Variants in NPY observed in about 807,000 individuals in gnomAD.
NPY encodes neuropeptide Y.
NPY carries 11 observed loss-of-function variants against 13.2 expected under a neutral mutation model. The ratio of observed to expected loss-of-function variants is 0.83; its 90% confidence interval spans 0.52 to 1.38. The LOEUF (loss-of-function observed/expected upper bound fraction) is 1.38. NPY is among the 40% of genes most tolerant of loss of function. The pLI, the probability that NPY is intolerant of heterozygous loss-of-function variation, is 0.00. For missense variants in NPY, 109 were observed against 125.1 expected, an observed-to-expected ratio of 0.87 and a Z score of 0.61; for synonymous variants, 51 against 55.6, an observed-to-expected ratio of 0.92 and a Z score of 0.37.
chr7:24,285,988 G>C lies in NPY; in HGVS notation c.188+560G>C, dbSNP rs899532828. On this transcript the variant is annotated intron_variant, in intron 2 of 3. Transcript: ENST00000242152. The surrounding 1 kb of genome is among the most constrained non-coding windows in gnomAD (Gnocchi z 4.9). ...TTTTCTTCTTCACTGTGTTTTTTTTGCAGTCTCACTCCCATATTTGAAAAT... is the reference window on the plus strand; with the variant it reads ...TTTTCTTCTTCACTGTGTTTTTTTTCCAGTCTCACTCCCATATTTGAAAAT... 6.6e-6 allele frequency among the ~76,000 whole-genome samples: 1 copy of C among 151,736 alleles called. No individual in the cohort carries two copies. The highest frequency in any genetic ancestry group is 2.4e-5 in the African/African-American group (1 of 41,276).
At chr7:24,289,361 C>T in intron 2 of NPY, 138 bp from the exon 3 acceptor site, 1 of 479,260 alleles carries the variant, frequency 2.1e-6, no homozygotes, top group Non-Finnish European at 3.7e-6. Flanking sequence ...ATGCTTCATA[C>T]ACCTAGCTTG....
At chr7:24,284,669 G>GT (rs1452860130) in intron 1 of NPY, among the ~76,000 whole-genome samples, 1 of 152,142 alleles carries the variant, frequency 6.6e-6, no homozygotes, top group Non-Finnish European at 1.5e-5. Flanking sequence ...ATCGAGTGAG[G>GT]AATCCCTGGA....
chr7:24,288,982 T>C (rs1269518661), intron 2 of NPY, among the ~76,000 whole-genome samples: 1 of 152,144 alleles, frequency 6.6e-6, no homozygotes, highest in East Asian at 1.9e-4. Context: ...AACGAGAAAA[T>C]TGGGATTCAA....
intron 3 of NPY, among the ~76,000 whole-genome samples, chr7:24,290,775 A>AATTATTATTATTATT (rs10693219): frequency 0.013 from 1,686 of 129,602 alleles, 46 homozygotes; most frequent in African/African-American, 0.042. Context: ...TAATAATAAT[A>AATTATTATTATTATT]ATTATTATTA....
chr7:24,289,441 T>A, intron 2 of NPY, 58 bp from the exon 3 acceptor site: 1 of 1,242,612 alleles, frequency 8.0e-7, no homozygotes, highest in Non-Finnish European at 1.1e-6. Flanking sequence ...ATCTTCCTTT[T>A]TCCTAAAGGT....
At chr7:24,288,484 G>C (rs1053262915) in intron 2 of NPY, among the ~76,000 whole-genome samples, 1 of 152,096 alleles carries the variant, frequency 6.6e-6, no homozygotes, top group Non-Finnish European at 1.5e-5. Context: ...ATCCATACCA[G>C]ACTAATTTAT....
In NPY at chr7:24,285,449, G is replaced by C. The variant is rs774193967; in HGVS notation, c.188+21G>C. On this transcript the variant is annotated intron_variant, in intron 2 of 3. Transcript: ENST00000242152. The surrounding 1 kb of genome is among the most constrained non-coding windows in gnomAD (Gnocchi z 4.9). ...CAGAGGTGGGTGGGACCGCGGGACC[G>C]ATTCCGGGAGCGCCAGTGCCTGCAC... The C allele has an allele frequency of 6.2e-7, 1 of 1,602,946 alleles. No individual in the cohort carries two copies. The highest frequency in any genetic ancestry group is 1.1e-5 in the South Asian group (1 of 90,284).
In NPY at chr7:24,284,815, G is replaced by A. The variant is rs1254852270; in HGVS notation, c.1-426G>A. ...CACCCCGAGGTGATCTCTGCTGTCAGCGTTGATCCCCTGAAGCTAGGCAGA... is the reference window on the plus strand; with the variant it reads ...CACCCCGAGGTGATCTCTGCTGTCAACGTTGATCCCCTGAAGCTAGGCAGA... On this transcript the variant is annotated intron_variant, in intron 1 of 3. Transcript: ENST00000242152. The A allele has an allele frequency of 1.3e-5, 3 of 229,516 alleles. No individual in the cohort carries two copies. In the East Asian group the frequency reaches 4.3e-4, roughly 33 times the overall value. 14.2% of individuals were successfully genotyped at this position (229,516 alleles called of 1,614,324 possible).
At chr7:24,289,806 G>T (rs931840762) in intron 3 of NPY, among the ~76,000 whole-genome samples, 7 of 152,114 alleles carry the variant, frequency 4.6e-5, no homozygotes, top group Admixed American at 4.6e-4. Flanking sequence ...CAGGTTATTT[G>T]GTGCTCCTTT....
intron 3 of NPY, among the ~76,000 whole-genome samples, chr7:24,290,615 G>C (rs1373091276): frequency 6.6e-6 from 1 of 151,904 alleles, no homozygotes; most frequent in Non-Finnish European, 1.5e-5. Context: ...ATAGAGTTGT[G>C]AGATTTGTTT....
At chr7:24,287,125 G>C (rs1787418955) in intron 2 of NPY, among the ~76,000 whole-genome samples, 1 of 152,074 alleles carries the variant, frequency 6.6e-6, no homozygotes, top group African/African-American at 2.4e-5. Flanking sequence ...GAGTGTCTTT[G>C]GATGTTGTCA....
At chr7:24,284,799 G>A (rs1464284850) in intron 1 of NPY, 6 of 195,340 alleles carry the variant, frequency 3.1e-5, no homozygotes, top group Admixed American at 5.5e-5. Context: ...TCACCCCGAG[G>A]TGATCTCTGC....
At chr7:24,288,083 G>A (rs16477) in intron 2 of NPY, among the ~76,000 whole-genome samples, 6,335 of 152,292 alleles carry the variant, frequency 0.042, 425 homozygotes, top group African/African-American at 0.14. Flanking sequence ...CTGGATGCAA[G>A]ATTATGACTG....
Position 24,285,240 on chromosome 7 carries a change from G to T in NPY, c.1-1G>T. The T allele has an allele frequency of 6.2e-7, 1 of 1,614,050 alleles. No individual in the cohort carries two copies. The highest frequency in any genetic ancestry group is 8.5e-7 in the Non-Finnish European group (1 of 1,179,948). On this transcript the variant is annotated splice_acceptor_variant, in intron 1 of 3. Coordinates refer to ENST00000242152, the MANE Select transcript of NPY (RefSeq NM_000905.4). LOFTEE classifies it low-confidence loss of function (5UTR_SPLICE). This position sits in a 1 kb window ranked among gnomAD's most constrained non-coding sequence, Gnocchi z 4.9. ...GTCCGTTGAGCCTTCTGTGCCTGCA[G>T]ATGCTAGGTAACAAGCGACTGGGGC...
chr7:24,289,240 G>A (rs1316309893), intron 2 of NPY, among the ~76,000 whole-genome samples: 1 of 152,036 alleles, frequency 6.6e-6, no homozygotes, highest in African/African-American at 2.4e-5. Flanking sequence ...AATTTGACTA[G>A]GAATTTTGGT....
In NPY at chr7:24,286,405, T is replaced by C. The variant is rs1367649725; in HGVS notation, c.188+977T>C. On this transcript the variant is annotated intron_variant, in intron 2 of 3. Transcript: ENST00000242152. Reference sequence around the variant, plus strand: ...TTAAATGATTTTAGTCATTTGACCGTATCTAAAGGATAAGCCCTTTAGAAG... The same window carrying C: ...TTAAATGATTTTAGTCATTTGACCGCATCTAAAGGATAAGCCCTTTAGAAG... 2.0e-5 allele frequency among the ~76,000 whole-genome samples: 3 copies of C among 152,206 alleles called. No homozygotes were observed. In the East Asian group the frequency reaches 5.8e-4, roughly 29 times the overall value.
chr7:24,284,411 G>C (rs1787276671), intron 1 of NPY, 136 bp downstream of exon 1: 1 of 152,604 alleles, frequency 6.6e-6, no homozygotes, highest in Non-Finnish European at 1.5e-5. Flanking sequence ...GGACTATGCC[G>C]GCTCCGCGCC....
chr7:24,287,666 T>C (rs1305155642), intron 2 of NPY, among the ~76,000 whole-genome samples: 1 of 151,982 alleles, frequency 6.6e-6, no homozygotes, highest in Non-Finnish European at 1.5e-5. Context: ...ACATTTTTGG[T>C]TTTCACAACT....
At position 24,285,219 on chromosome 7, in the gene NPY, G is replaced by A. The variant is rs764046784; in HGVS notation, c.1-22G>A. On this transcript the variant is annotated intron_variant, in intron 1 of 3. Coordinates refer to ENST00000242152, the MANE Select transcript of NPY (RefSeq NM_000905.4). The surrounding 1 kb of genome is among the most constrained non-coding windows in gnomAD (Gnocchi z 4.9). ...GTGCTCTGAATCCCCAAGCCCGTCC[G>A]TTGAGCCTTCTGTGCCTGCAGATGC... The A allele has an allele frequency of 1.9e-6, 3 of 1,613,744 alleles. No individual in the cohort carries two copies. The highest frequency in any genetic ancestry group is 2.2e-5 in the East Asian group (1 of 44,860).
Sources: gnomAD v4.1 joint callset for allele counts (sites outside exome capture counted in the v4.1 genomes callset) on GRCh38, gnomAD v4.1.1 for gene constraint, Gnocchi (gnomAD v3.1) non-coding constraint, MANE v1.5 for transcripts, NCBI Gene and HGNC (gene_info 2026-07-23, HGNC 2026-07-21) for gene names.